Variants in SRRT observed in about 807,000 individuals in gnomAD.
SRRT encodes the protein serrate RNA effector molecule homolog.
A neutral mutation model predicts 103.2 loss-of-function variants in SRRT; 32 were observed. That is an observed-to-expected ratio of 0.31 (90% CI 0.23 to 0.42). SRRT has a LOEUF of 0.42. Among genes scored for constraint, SRRT ranks in the 10% least tolerant of loss-of-function variants. The probability of loss-of-function intolerance (pLI) is 1.00; values close to 1 mark genes in which losing one functional copy is unlikely to be tolerated. For missense variants in SRRT, 986 were observed against 1,207.5 expected, an observed-to-expected ratio of 0.82 and a Z score of 2.72; for synonymous variants, 525 against 449.0, an observed-to-expected ratio of 1.17 and a Z score of -2.14.
chr7:100,884,532 A>G lies in SRRT; in HGVS notation c.922A>G (p.Lys308Glu), dbSNP rs1157042764. Residue 308 changes from lysine (K) to glutamate (E), a missense_variant, in exon 7 of 20, where the codon AAG becomes GAG. This residue lies in a region of SRRT where 166 missense variants were observed against 148.6 expected (regional missense o/e 1.12). Transcript: ENST00000611405. ...GCGCAAAACCAACGACAAGGATGAGAAGAAGGAAGACGGCAAGCAGGTCCG... is the reference window on the plus strand; with the variant it reads ...GCGCAAAACCAACGACAAGGATGAGGAGAAGGAAGACGGCAAGCAGGTCCG... ...GERKTNDKDE[K>E]KEDGKQAEND... 2.0e-6 allele frequency: 3 copies of G among 1,537,508 alleles called. No individual in the cohort carries two copies. Among genetic ancestry groups the G allele is most frequent in the Non-Finnish European group, 2.6e-6 (3 of 1,133,220 alleles).
rs890713046 is a variant in SRRT at position 100,887,555 on chromosome 7, G to T, written c.2169+42G>T. 1.2e-6 allele frequency: 2 copies of T among 1,603,000 alleles called. No homozygotes were observed. Among genetic ancestry groups the T allele is most frequent in the African/African-American group, 1.3e-5 (1 of 74,846 alleles). On this transcript the variant is annotated intron_variant, in intron 16 of 19. Coordinates refer to ENST00000611405, the MANE Select transcript of SRRT (RefSeq NM_015908.6). This position sits in a 1 kb window ranked among gnomAD's most constrained non-coding sequence, Gnocchi z 4.1. The stretch of plus-strand genomic sequence containing the variant: ...AATGGCCGTGCTACGGTGGTGGGAG[G>T]TGGGGTTGAGACAGGAAGCCCCCTG...
At position 100,886,227 on chromosome 7, in the gene SRRT, T is replaced by C; in HGVS notation, c.1459-20T>C. The C allele has an allele frequency of 6.2e-7, 1 of 1,604,308 alleles. No homozygotes were observed. Among genetic ancestry groups the C allele is most frequent in the Non-Finnish European group, 8.5e-7 (1 of 1,174,972 alleles). On this transcript the variant is annotated intron_variant, in intron 12 of 19. Coordinates refer to ENST00000611405, the MANE Select transcript of SRRT (RefSeq NM_015908.6). ...AAGCGGGGTAAGTGGGGTAAGCTGC[T>C]GATGATGTCTGCCCTCCAGCTCCGG... is the stretch of plus-strand genomic sequence containing the variant.
At position 100,886,940 on chromosome 7, in the gene SRRT, A is replaced by G. The variant is rs372260164; in HGVS notation, c.1793A>G (p.Asn598Ser). 17 of 1,612,456 alleles carry G rather than the reference A, an allele frequency of 1.1e-5. No homozygotes were observed. Among genetic ancestry groups the G allele is most frequent in the Non-Finnish European group, 1.4e-5 (16 of 1,179,054 alleles). Residue 598 changes from asparagine (N) to serine (S), a missense_variant, in exon 14 of 20, where the codon AAC becomes AGC. Transcript: ENST00000611405. ...AAGGAAGGGAACCCGGCAGAGATCA[A>G]CGTGGAGCGGGATGAGAAGTTGATT... ...PPKEGNPAEI[N>S]VERDEKLIKV...
At position 100,882,581 on chromosome 7, in the gene SRRT, G is replaced by C. The variant is rs1209204662; in HGVS notation, c.587+340G>C. 1.4e-5 allele frequency: 3 copies of C among 216,086 alleles called. No individual in the cohort carries two copies. Among genetic ancestry groups the C allele is most frequent in the Middle Eastern group, 1.5e-3 (1 of 654 alleles). The allele number at this position is 216,086 out of a possible 1,614,324, so 13.4% of individuals were successfully genotyped here. A position where few individuals can be genotyped will look rare whatever the true frequency, so the allele number is the denominator to read the frequency against. The stretch of plus-strand genomic sequence containing the variant: ...CTGATCACCAGGACCCTGTGTGGCT[G>C]TGGCGTCCTCCTAAAGCGACGAGTG... On this transcript the variant is annotated intron_variant, in intron 5 of 19. Transcript: ENST00000611405. The surrounding 1 kb of genome is among the most constrained non-coding windows in gnomAD (Gnocchi z 4.2).
chr7:100,888,033 T>C lies in SRRT; in HGVS notation c.2327-9T>C. On this transcript the variant is annotated splice_polypyrimidine_tract_variant and intron_variant, in intron 17 of 19. Coordinates refer to ENST00000611405, the MANE Select transcript of SRRT (RefSeq NM_015908.6). ...GCCCCCGCAGTAATTCATGTCCCTG[T>C]CCGTGTTGTACTCCCCCCAGGTTTG... 1.3e-6 allele frequency: 2 copies of C among 1,536,112 alleles called. No individual in the cohort carries two copies. The highest frequency in any genetic ancestry group is 1.7e-6 in the Non-Finnish European group (2 of 1,145,438).
At chr7:100,886,021 C>T in intron 12 of SRRT, 80 bp downstream of exon 12, 4 of 1,518,662 alleles carry the variant, frequency 2.6e-6, no homozygotes, top group Non-Finnish European at 9.1e-7. Context: ...CTTTGTTCAT[C>T]TGATAGTTTG....
chr7:100,881,786 G>A lies in SRRT; in HGVS notation c.379G>A (p.Val127Ile). Residue 127 changes from valine to isoleucine, a missense_variant, in exon 4 of 20, where the codon GTC becomes ATC. Physicochemically the swap from Val to Ile is conservative, Grantham distance 29. Coordinates refer to ENST00000611405, the MANE Select transcript of SRRT (RefSeq NM_015908.6). ...HPDVHIMQHHVLPIQARLGSI... is the reference protein window; with the variant it reads ...HPDVHIMQHHILPIQARLGSI... ...TGACGTCCACATCATGCAGCACCATGTCCTGCCTATCCAGGCCAGGTAAGG... is the reference window on the plus strand; with the variant it reads ...TGACGTCCACATCATGCAGCACCATATCCTGCCTATCCAGGCCAGGTAAGG... 1 of 1,611,600 alleles carries A rather than the reference G, an allele frequency of 6.2e-7. No individual in the cohort carries two copies. The highest frequency in any genetic ancestry group is 8.5e-7 in the Non-Finnish European group (1 of 1,179,246).
At chr7:100,886,535 C>T (rs1438421181) in intron 13 of SRRT, 100 bp downstream of exon 13, 2 of 1,267,414 alleles carry the variant, frequency 1.6e-6, no homozygotes, top group Non-Finnish European at 2.2e-6. Context: ...CCCTTGCACC[C>T]ACTCGCCTGC....
chr7:100,881,994 C>A, intron 4 of SRRT, 59 bp from the exon 5 acceptor site: 2 of 1,561,122 alleles, frequency 1.3e-6, no homozygotes, highest in Non-Finnish European at 1.7e-6. Context: ...CTACTTTGGC[C>A]CCTGTAGCCT....
At chr7:100,878,035 G>A (rs1411368776) in intron 2 of SRRT, among the ~76,000 whole-genome samples, 3 of 152,160 alleles carry the variant, frequency 2.0e-5, no homozygotes, top group Non-Finnish European at 4.4e-5. Flanking sequence ...ATTTTGGGCC[G>A]GCGCAGTGGC....
chr7:100,886,917 G>A lies in SRRT; in HGVS notation c.1770G>A (p.Lys590=). Residue 590 remains lysine (K), a synonymous_variant, in exon 14 of 20, where the codon AAG becomes AAA. Transcript: ENST00000611405. ...GCGCTCCTCCTGAGGAGCCTCCTAA[G>A]GAAGGGAACCCGGCAGAGATCAACG... ...SGGAPPEEPP[K]EGNPAEINVE... is the part of the protein sequence containing the mutation. The A allele has an allele frequency of 1.2e-6, 2 of 1,613,670 alleles. No homozygotes were observed. Among genetic ancestry groups the A allele is most frequent in the Non-Finnish European group, 1.7e-6 (2 of 1,179,862 alleles).
rs758559902 is a variant in SRRT at position 100,888,637 on chromosome 7, T to C, written c.*88T>C. The C allele has an allele frequency of 6.4e-6, 10 of 1,553,042 alleles. No homozygotes were observed. The highest frequency in any genetic ancestry group is 2.2e-5 in the East Asian group (1 of 44,570). ...TGAGAATTTTTTGTACGATCAGCCTTACTGCTAATAAAAGCACTTCCACAG... is the reference window on the plus strand; with the variant it reads ...TGAGAATTTTTTGTACGATCAGCCTCACTGCTAATAAAAGCACTTCCACAG... On this transcript the variant is annotated 3_prime_UTR_variant, in exon 20 of 20. Transcript: ENST00000611405.
At chr7:100,886,070 G>A (rs1790066496) in intron 12 of SRRT, 129 bp downstream of exon 12, 9 of 1,317,156 alleles carry the variant, frequency 6.8e-6, no homozygotes, top group Admixed American at 3.9e-5. Context: ...GTCTGGCTAC[G>A]TTGTCTCTGG....
rs557013481 is a variant in SRRT at position 100,875,874 on chromosome 7, CT to C, written c.122+163del. 28 of 800,354 alleles carry C rather than the reference CT, an allele frequency of 3.5e-5. No homozygotes were observed. The East Asian group carries it at 7.8e-4, about 22-fold the overall frequency. The allele number at this position is 800,354 out of a possible 1,614,324, so 49.6% of individuals were successfully genotyped here. ...AGCCTATTTGCTGTTGGCCAAATAACTAGCTGTGGCTTGGTTTTTGAAATTC... is the reference window on the plus strand; with the variant it reads ...AGCCTATTTGCTGTTGGCCAAATAACAGCTGTGGCTTGGTTTTTGAAATTC... On this transcript the variant is annotated intron_variant, in intron 2 of 19. Coordinates refer to ENST00000611405, the MANE Select transcript of SRRT (RefSeq NM_015908.6).
At chr7:100,881,960 G>A in intron 4 of SRRT, 93 bp from the exon 5 acceptor site, 1 of 1,492,842 alleles carries the variant, frequency 6.7e-7, no homozygotes, top group Non-Finnish European at 9.0e-7. Context: ...GATGTCCATG[G>A]TGGACAAAGT....
chr7:100,886,625 T>A, intron 13 of SRRT, 170 bp from the exon 14 acceptor site: 1 of 976,882 alleles, frequency 1.0e-6, no homozygotes, highest in Non-Finnish European at 1.5e-6. Flanking sequence ...TGATCATTTG[T>A]GGCTGGGGTG....
At position 100,875,707 on chromosome 7, in the gene SRRT, T is replaced by C. The variant is rs775821306; in HGVS notation, c.117T>C (p.Asn39=). The change falls in exon 2 of 20, where the codon AAT becomes AAC. Residue 39 remains asparagine (N), a synonymous_variant. Transcript: ENST00000611405. The stretch of plus-strand genomic sequence containing the variant: ...AAAGACGTCGAGGGGACGATTGGAA[T>C]GACAGGTGAGCCGTTTTTAACTTCA... ...RDERRRGDDW[N]DREWDRGRER... 1.2e-6 allele frequency: 2 copies of C among 1,613,836 alleles called. No homozygotes were observed. Among genetic ancestry groups the C allele is most frequent in the African/African-American group, 1.3e-5 (1 of 74,940 alleles).
rs2115898133 is a variant in SRRT, at chr7:100,887,277, T to C, written c.1976-43T>C. 1.2e-6 allele frequency: 2 copies of C among 1,610,328 alleles called. No individual in the cohort carries two copies. The highest frequency in any genetic ancestry group is 4.5e-5 in the East Asian group (2 of 44,790). On this transcript the variant is annotated intron_variant, in intron 15 of 19. Coordinates refer to ENST00000611405, the MANE Select transcript of SRRT (RefSeq NM_015908.6). This position sits in a 1 kb window ranked among gnomAD's most constrained non-coding sequence, Gnocchi z 4.1. ...AGCCCCTTGCCACCATCCTTCCTTC[T>C]GGCTCCCTTGCCAACCTTCCTTCCT...
rs1363108444 is a variant in SRRT at position 100,887,074 on chromosome 7, C to T, written c.1849C>T (p.Arg617Cys). 9 of 1,614,238 alleles carry T rather than the reference C, an allele frequency of 5.6e-6. No individual in the cohort carries two copies. Among genetic ancestry groups the T allele is most frequent in the Non-Finnish European group, 7.6e-6 (9 of 1,180,030 alleles). The part of the protein sequence containing the change: ...KVLDKLLLYL[R>C]IVHSLDYYNT... The stretch of plus-strand genomic sequence containing the variant: ...CTTGGACAAGCTCCTCCTTTACCTG[C>T]GCATCGTGCATTCCTTGGATTATTA... Residue 617 changes from arginine (R) to cysteine (C), a missense_variant, in exon 15 of 20, where the codon CGC becomes TGC. Physicochemically the swap from Arg to Cys is radical, Grantham distance 180. Coordinates refer to ENST00000611405, the MANE Select transcript of SRRT (RefSeq NM_015908.6). The surrounding 1 kb of genome is among the most constrained non-coding windows in gnomAD (Gnocchi z 4.1).
Sources: allele counts gnomAD v4.1 joint callset (sites outside exome capture counted in the v4.1 genomes callset), GRCh38; gene constraint gnomAD v4.1.1; regional missense constraint gnomAD v4.1.1; non-coding constraint Gnocchi (gnomAD v3.1); transcripts MANE v1.5; gene names NCBI Gene and HGNC (gene_info 2026-07-23, HGNC 2026-07-21).